Variants in LONP2 observed in about 807,000 individuals in gnomAD.
LONP2 encodes lon peptidase 2, peroxisomal, also known as lon protease homolog 2, peroxisomal.
In LONP2, 60 loss-of-function variants were observed where a neutral mutation model predicts 85.6. The observed-to-expected ratio is 0.70, with a 90% CI of 0.57 to 0.87. The LOEUF (loss-of-function observed/expected upper bound fraction) is 0.87. Ranked by LOEUF, LONP2 falls within the 40% of genes least tolerant of loss-of-function variation. The probability of loss-of-function intolerance (pLI) is 0.00; values close to 1 mark genes in which losing one functional copy is unlikely to be tolerated. For synonymous variants in LONP2, 395 were observed against 389.7 expected (o/e 1.01, Z -0.16); for missense variants, 860 against 1,063.5 (o/e 0.81, Z 2.66).
At chr16:48,309,743 A>G (rs1183761488) in intron 11 of LONP2, among the ~76,000 whole-genome samples, 1 of 151,720 alleles carries the variant, frequency 6.6e-6, no homozygotes, top group Non-Finnish European at 1.5e-5. Flanking sequence ...ATTTATTGAG[A>G]CTTGTTTTGT....
chr16:48,320,202 A>G (rs1973233870), intron 11 of LONP2, among the ~76,000 whole-genome samples: 2 of 151,432 alleles, frequency 1.3e-5, no homozygotes, highest in African/African-American at 4.8e-5. Context: ...GCCCGCATTG[A>G]AGTTTATACT....
At chr16:48,281,470 C>T (rs1167131698) in intron 8 of LONP2, among the ~76,000 whole-genome samples, 2 of 152,068 alleles carry the variant, frequency 1.3e-5, no homozygotes, top group African/African-American at 4.8e-5. Flanking sequence ...AACTGAGTAG[C>T]ACTAAAATAT....
At chr16:48,264,074 A>G (rs1971934631) in intron 6 of LONP2, among the ~76,000 whole-genome samples, 1 of 152,180 alleles carries the variant, frequency 6.6e-6, no homozygotes, top group Non-Finnish European at 1.5e-5. Flanking sequence ...TCACAAGGCA[A>G]ATGGAGGCAG....
intron 8 of LONP2, among the ~76,000 whole-genome samples, chr16:48,293,503 A>T (rs1035820028): frequency 6.6e-6 from 1 of 152,094 alleles, no homozygotes; most frequent in Non-Finnish European, 1.5e-5. Flanking sequence ...GGTGGTAAGG[A>T]TTACTTTATT....
chr16:48,324,657 A>G lies in LONP2; in HGVS notation c.1796-9559A>G, dbSNP rs908295538. Among the ~76,000 whole-genome samples the G allele has an allele frequency of 2.3e-4, 35 of 152,240 alleles. 1 individual carries two copies. The highest frequency in any genetic ancestry group is 2.9e-5 in the Non-Finnish European group (2 of 68,048). On this transcript the variant is annotated intron_variant, in intron 11 of 14. Coordinates refer to ENST00000285737, the MANE Select transcript of LONP2 (RefSeq NM_031490.5). ...CAGATGTTGATAAAATTTAAGAATT[A>G]CATAGCCGAAATTTGGTCTAATTCA...
At chr16:48,279,651 G>C (rs2150983807) in intron 8 of LONP2, among the ~76,000 whole-genome samples, 1 of 152,134 alleles carries the variant, frequency 6.6e-6, no homozygotes, top group Admixed American at 6.5e-5. Context: ...CCAGTGTTTT[G>C]CTGGGGTGGG....
intron 11 of LONP2, among the ~76,000 whole-genome samples, chr16:48,308,497 C>G: frequency 6.6e-6 from 1 of 151,844 alleles, no homozygotes; most frequent in East Asian, 1.9e-4. Flanking sequence ...CGTGCTGGTG[C>G]ATGCCTATAG....
intron 11 of LONP2, among the ~76,000 whole-genome samples, chr16:48,315,890 G>C (rs561993148): frequency 4.2e-5 from 6 of 143,620 alleles, no homozygotes; most frequent in Non-Finnish European, 9.1e-5. Context: ...CTGTATTCCA[G>C]TTTGTTATTG....
rs1052082129 is a variant in LONP2, at chr16:48,334,504, G to T, written c.1938+146G>T. 2.0e-5 allele frequency: 19 copies of T among 971,236 alleles called. No individual in the cohort carries two copies. The African/African-American group carries it at 2.9e-4, about 15-fold the overall frequency. 60.2% of individuals were successfully genotyped at this position (971,236 alleles called of 1,614,324 possible). On this transcript the variant is annotated intron_variant, in intron 12 of 14. Coordinates refer to ENST00000285737, the MANE Select transcript of LONP2 (RefSeq NM_031490.5). ...CCTTCTTTTTGGGACGCAGGTTGTT[G>T]GTGTGGCCGCACTTCTTGCAGCAGT...
chr16:48,303,981 C>A (rs963436679), intron 11 of LONP2, among the ~76,000 whole-genome samples: 1 of 152,138 alleles, frequency 6.6e-6, no homozygotes, highest in Admixed American at 6.5e-5. Context: ...TCTCCTAGTC[C>A]GCTGACTCAA....
chr16:48,325,738 C>T (rs989595079), intron 11 of LONP2, among the ~76,000 whole-genome samples: 5 of 152,208 alleles, frequency 3.3e-5, no homozygotes, highest in African/African-American at 9.6e-5. Flanking sequence ...GCAGATACCC[C>T]TTTGACATAT....
intron 4 of LONP2, 97 bp from the exon 5 acceptor site, chr16:48,261,327 T>C: frequency 1.2e-6 from 1 of 859,730 alleles, no homozygotes; most frequent in Non-Finnish European, 1.7e-6. Flanking sequence ...GTCATAAAAA[T>C]ATTTATTCAG....
intron 11 of LONP2, among the ~76,000 whole-genome samples, chr16:48,321,409 G>A (rs1039382036): frequency 3.9e-5 from 6 of 152,132 alleles, no homozygotes; most frequent in African/African-American, 1.4e-4. Context: ...AAACTTTCTT[G>A]TCTGGTACTA....
intron 12 of LONP2, among the ~76,000 whole-genome samples, chr16:48,341,536 T>A (rs1369646644): frequency 6.6e-6 from 1 of 152,020 alleles, no homozygotes; most frequent in African/African-American, 2.4e-5. Flanking sequence ...AAACCATTCA[T>A]GAGAAATTTC....
intron 2 of LONP2, among the ~76,000 whole-genome samples, chr16:48,255,542 G>A (rs1971740947): frequency 6.6e-6 from 1 of 152,140 alleles, no homozygotes; most frequent in African/African-American, 2.4e-5. Flanking sequence ...TACGCTGACA[G>A]TTGTTTTTCT....
intron 11 of LONP2, among the ~76,000 whole-genome samples, chr16:48,304,998 G>A (rs1040822092): frequency 7.9e-5 from 12 of 152,142 alleles, no homozygotes; most frequent in Non-Finnish European, 1.5e-4. Context: ...TCCATCAGTC[G>A]CTGAACACAG....
intron 8 of LONP2, among the ~76,000 whole-genome samples, chr16:48,280,744 G>C (rs74016393): frequency 0.014 from 2,088 of 152,286 alleles, 48 homozygotes; most frequent in African/African-American, 0.048. Context: ...TATCTTGGTA[G>C]CTGACAGCCT....
At chr16:48,267,066 TGAAAG>T (rs930495722) in intron 6 of LONP2, among the ~76,000 whole-genome samples, 2 of 152,226 alleles carry the variant, frequency 1.3e-5, no homozygotes, top group African/African-American at 4.8e-5. Flanking sequence ...GCCTTTTAGT[TGAAAG>T]GAAACATTTC....
chr16:48,361,473 C>T (rs866973534), downstream of LONP2: 10 of 1,089,196 alleles, frequency 9.2e-6, no homozygotes, highest in Middle Eastern at 1.4e-3. Context: ...CTTCATGTGT[C>T]TAGCTTCCAC....
Sources: gnomAD v4.1 joint callset for allele counts (sites outside exome capture counted in the v4.1 genomes callset) on GRCh38, gnomAD v4.1.1 for gene constraint, MANE v1.5 for transcripts, NCBI Gene and HGNC (gene_info 2026-07-23, HGNC 2026-07-21) for gene names.